MBNL1: variants seen among roughly 807,000 people sequenced by gnomAD.
MBNL1 encodes muscleblind like splicing regulator 1.
A neutral mutation model predicts 42.2 loss-of-function variants in MBNL1; 8 were observed. The ratio of observed to expected loss-of-function variants is 0.19; its 90% confidence interval spans 0.11 to 0.34. The LOEUF (loss-of-function observed/expected upper bound fraction) is 0.34, where lower values mean the gene tolerates loss of function less well. Among genes scored for constraint, MBNL1 ranks in the 10% least tolerant of loss-of-function variants. MBNL1 has a pLI of 1.00. For missense variants in MBNL1, 309 were observed against 495.3 expected (o/e 0.62, Z 3.57); for synonymous variants, 169 against 173.9 (o/e 0.97, Z 0.22).
chr3:152,418,267 T>C (rs2098736149), intron 3 of MBNL1, among the ~76,000 whole-genome samples: 1 of 152,150 alleles, frequency 6.6e-6, no homozygotes, highest in African/African-American at 2.4e-5. Context: ...AGCTAGTGAG[T>C]AGCAAGGCTA....
At chr3:152,400,774 A>G (rs1300456056) in intron 2 of MBNL1, among the ~76,000 whole-genome samples, 1 of 152,218 alleles carries the variant, frequency 6.6e-6, no homozygotes, top group Non-Finnish European at 1.5e-5. Context: ...GAAATGAACT[A>G]TTTGGAAAAT....
At chr3:152,259,224 C>G (rs986935203) in intron 2 of MBNL1, among the ~76,000 whole-genome samples, 1 of 152,176 alleles carries the variant, frequency 6.6e-6, no homozygotes, top group Non-Finnish European at 1.5e-5. Flanking sequence ...GGAAGAAACA[C>G]TGTGCATGGG....
At chr3:152,452,941 G>A (rs1030924161) in intron 6 of MBNL1, among the ~76,000 whole-genome samples, 5 of 149,678 alleles carry the variant, frequency 3.3e-5, no homozygotes, top group African/African-American at 4.9e-5. Context: ...TAGGTCTAAG[G>A]GCAGGGGTAG....
chr3:152,342,481 C>T (rs1193550663), intron 2 of MBNL1, among the ~76,000 whole-genome samples: 2 of 151,580 alleles, frequency 1.3e-5, no homozygotes, highest in African/African-American at 2.4e-5. Context: ...GTAATGTTTC[C>T]AGGGTCACAC....
intron 8 of MBNL1, 33 bp from the exon 9 acceptor site, chr3:152,459,238 G>A (rs753951067): frequency 8.7e-6 from 11 of 1,263,262 alleles, no homozygotes; most frequent in Non-Finnish European, 1.2e-5. Context: ...TTGCTTGCAT[G>A]GATCATTCAT....
At chr3:152,461,943 C>A (rs1373106344) in intron 9 of MBNL1, among the ~76,000 whole-genome samples, 1 of 151,846 alleles carries the variant, frequency 6.6e-6, no homozygotes, top group Admixed American at 6.6e-5. Flanking sequence ...TTATGCTAAT[C>A]AAGCACCCAA....
intron 5 of MBNL1, chr3:152,446,868 A>C: frequency 2.3e-6 from 2 of 884,632 alleles, no homozygotes; most frequent in Non-Finnish European, 3.3e-6. Context: ...TAGAGTTGTA[A>C]AGTACAATGA....
intron 2 of MBNL1, among the ~76,000 whole-genome samples, chr3:152,247,023 G>A (rs1415881776): frequency 6.6e-6 from 1 of 152,034 alleles, no homozygotes; most frequent in African/African-American, 2.4e-5. Context: ...ATTTGTTTTT[G>A]ACATAAATTA....
intron 1 of MBNL1, among the ~76,000 whole-genome samples, chr3:152,280,232 A>G (rs528579573): frequency 1.3e-5 from 2 of 152,148 alleles, no homozygotes; most frequent in African/African-American, 2.4e-5. Flanking sequence ...ATGGACGGGC[A>G]AAACAAAGTG....
rs2096630760 is a variant in MBNL1 at position 152,370,871 on chromosome 3, T to C, written c.175-44070T>C. On this transcript the variant is annotated intron_variant, in intron 2 of 9. Transcript: ENST00000324210. ...CTTGGTAGATATTCCTCCATTTCTT[T>C]ATTTTGAGCCTATGTGTGTCTTTGC... Among the ~76,000 whole-genome samples, 3 of 152,170 alleles carry C rather than the reference T, an allele frequency of 2.0e-5. No individual in the cohort carries two copies. The South Asian group carries it at 6.2e-4, about 31-fold the overall frequency.
chr3:152,445,603 T>C, intron 5 of MBNL1, 64 bp downstream of exon 5: 2 of 1,505,762 alleles, frequency 1.3e-6, no homozygotes, highest in Non-Finnish European at 1.8e-6. Flanking sequence ...CAACTATATC[T>C]GACTACAAGC....
At chr3:152,362,435 C>G (rs1238364821) in intron 2 of MBNL1, among the ~76,000 whole-genome samples, 1 of 152,172 alleles carries the variant, frequency 6.6e-6, no homozygotes, top group Non-Finnish European at 1.5e-5. Context: ...CAGTTTTACA[C>G]TCCTACAGTC....
rs1009824558 is a variant in MBNL1, at chr3:152,373,402, GC to G, written c.175-41536del. Reference sequence around the variant, plus strand: ...TAGCTTGGTGTCTGCCTAAATGGCTGCCCTGTTTTGCGCTTGAAACCCAGGG... The same window carrying G: ...TAGCTTGGTGTCTGCCTAAATGGCTGCCTGTTTTGCGCTTGAAACCCAGGG... On this transcript the variant is annotated intron_variant, in intron 2 of 9. Transcript: ENST00000324210. 5.9e-4 allele frequency among the ~76,000 whole-genome samples: 89 copies of G among 150,528 alleles called. 1 individual carries two copies. Among genetic ancestry groups the G allele is most frequent in the African/African-American group, 2.0e-3 (83 of 40,984 alleles).
chr3:152,305,412 C>T (rs2151794224), intron 2 of MBNL1, among the ~76,000 whole-genome samples: 1 of 152,196 alleles, frequency 6.6e-6, no homozygotes, highest in South Asian at 2.1e-4. Context: ...TCATGCTGAG[C>T]AATGTCTCTG....
At chr3:152,339,344 G>A (rs757300676) in intron 2 of MBNL1, among the ~76,000 whole-genome samples, 32 of 152,270 alleles carry the variant, frequency 2.1e-4, no homozygotes, top group Admixed American at 8.5e-4. Flanking sequence ...GGATACTTGT[G>A]GAGAGGTGGT....
chr3:152,381,564 A>G (rs1295803816), intron 2 of MBNL1, among the ~76,000 whole-genome samples: 1 of 151,994 alleles, frequency 6.6e-6, no homozygotes, highest in Admixed American at 6.6e-5. Context: ...CTGGAAAATC[A>G]TTTGTTAAAA....
intron 2 of MBNL1, among the ~76,000 whole-genome samples, chr3:152,260,694 C>T (rs1197793760): frequency 6.6e-6 from 1 of 152,166 alleles, no homozygotes; most frequent in Non-Finnish European, 1.5e-5. Flanking sequence ...AAACAAACAG[C>T]AAACTAAGCA....
At chr3:152,460,677 T>C (rs1194328691) in intron 9 of MBNL1, among the ~76,000 whole-genome samples, 1 of 151,614 alleles carries the variant, frequency 6.6e-6, no homozygotes, top group Non-Finnish European at 1.5e-5. Context: ...TTTTCATCCA[T>C]AGGAATATGT....
chr3:152,455,743 A>C (rs16864291), intron 7 of MBNL1, among the ~76,000 whole-genome samples, 166 bp downstream of exon 7: 1 of 152,224 alleles, frequency 6.6e-6, no homozygotes, highest in African/African-American at 2.4e-5. Flanking sequence ...ATGGACTCAC[A>C]TAAGTGTTTT....
Sources: allele counts gnomAD v4.1 joint callset (sites outside exome capture counted in the v4.1 genomes callset), GRCh38; gene constraint gnomAD v4.1.1; transcripts MANE v1.5; gene names NCBI Gene and HGNC (gene_info 2026-07-23, HGNC 2026-07-21).